NDC1: variants seen among roughly 807,000 people sequenced by gnomAD.
The protein encoded by NDC1 is NDC1 transmembrane nucleoporin.
A neutral mutation model predicts 89.8 loss-of-function variants in NDC1; 24 were observed. The ratio of observed to expected loss-of-function variants is 0.27; its 90% CI spans 0.19 to 0.38. The LOEUF is 0.38. Among genes scored for constraint, NDC1 ranks in the 10% least tolerant of loss-of-function variants. NDC1 has a pLI of 1.00. For missense variants in NDC1, 728 were observed against 797.6 expected, an observed-to-expected ratio of 0.91 and a Z score of 1.05; for synonymous variants, 296 against 284.8, an observed-to-expected ratio of 1.04 and a Z score of -0.39.
intron 3 of NDC1, among the ~76,000 whole-genome samples, chr1:53,831,261 G>C (rs1649057994): frequency 6.6e-6 from 1 of 151,806 alleles, no homozygotes; most frequent in African/African-American, 2.4e-5. Flanking sequence ...TAAATAAACA[G>C]AATATTCATA....
rs180846077 is a variant in NDC1 at position 53,789,062 on chromosome 1, C to G, written c.1699+71G>C. 2.1e-5 allele frequency: 22 copies of G among 1,031,584 alleles called. No individual in the cohort carries two copies. The African/African-American group carries it at 3.2e-4, about 15-fold the overall frequency. The allele number at this position is 1,031,584 out of a possible 1,614,324, so 63.9% of individuals were successfully genotyped here. A position where few individuals can be genotyped will look rare whatever the true frequency, so the allele number is the denominator to read the frequency against. On this transcript the variant is annotated intron_variant, in intron 15 of 17. Transcript: ENST00000371429. Reference sequence around the variant, plus strand: ...ACTGAAATCAAGGACCAGAACTGACCTTTCATGAATTATACTTCAATATTT... The same window carrying G: ...ACTGAAATCAAGGACCAGAACTGACGTTTCATGAATTATACTTCAATATTT...
chr1:53,774,692 C>G (rs1647147324), intron 16 of NDC1, among the ~76,000 whole-genome samples: 1 of 152,022 alleles, frequency 6.6e-6, no homozygotes, highest in Non-Finnish European at 1.5e-5. Context: ...AGTTCTAGAC[C>G]AGCCTGGGCA....
intron 6 of NDC1, among the ~76,000 whole-genome samples, chr1:53,814,232 G>A (rs917368100): frequency 1.3e-5 from 2 of 152,150 alleles, no homozygotes; most frequent in African/African-American, 4.8e-5. Flanking sequence ...GCGGGCACCT[G>A]TAGTTCCAGC....
At chr1:53,768,543 G>A (rs1480879952) in intron 17 of NDC1, among the ~76,000 whole-genome samples, 1 of 152,076 alleles carries the variant, frequency 6.6e-6, no homozygotes, top group Non-Finnish European at 1.5e-5. Context: ...TTTTGGATGT[G>A]AACACTGTGT....
chr1:53,772,544 C>A, intron 16 of NDC1, 55 bp from the exon 17 acceptor site: 1 of 1,559,326 alleles, frequency 6.4e-7, no homozygotes, highest in South Asian at 1.1e-5. Context: ...CCAACCTAGG[C>A]CAGGTGCTGT....
chr1:53,785,864 T>C (rs1196543651), intron 16 of NDC1, among the ~76,000 whole-genome samples: 1 of 152,134 alleles, frequency 6.6e-6, no homozygotes, highest in Non-Finnish European at 1.5e-5. Context: ...TCAATTCCAC[T>C]TCCTCCAGAA....
At chr1:53,819,460 C>G (rs995083714) in intron 5 of NDC1, among the ~76,000 whole-genome samples, 4 of 152,114 alleles carry the variant, frequency 2.6e-5, no homozygotes, top group Non-Finnish European at 5.9e-5. Context: ...TCATTTAAAC[C>G]TCATAAGAAC....
At chr1:53,811,083 G>A (rs994028950) in intron 6 of NDC1, among the ~76,000 whole-genome samples, 2 of 152,190 alleles carry the variant, frequency 1.3e-5, no homozygotes, top group African/African-American at 2.4e-5. Context: ...AGAGTCAAGC[G>A]AAATACAGGG....
chr1:53,815,056 A>C (rs1332206957), intron 6 of NDC1, among the ~76,000 whole-genome samples: 1 of 152,196 alleles, frequency 6.6e-6, no homozygotes, highest in Non-Finnish European at 1.5e-5. Context: ...AATCCTTTTG[A>C]CACTATTGCA....
At chr1:53,784,852 G>A (rs1647266776) in intron 16 of NDC1, among the ~76,000 whole-genome samples, 1 of 151,988 alleles carries the variant, frequency 6.6e-6, no homozygotes, top group Non-Finnish European at 1.5e-5. Flanking sequence ...CAGCTACTCG[G>A]GAGGCTGAGG....
intron 10 of NDC1, 103 bp downstream of exon 10, chr1:53,803,825 C>A (rs1648008859): frequency 2.4e-6 from 2 of 820,992 alleles, no homozygotes; most frequent in South Asian, 1.4e-5. Context: ...CCTGCCTCGG[C>A]CTCCCAAAGT....
intron 14 of NDC1, among the ~76,000 whole-genome samples, chr1:53,790,046 C>T (rs1181170): frequency 0.079 from 11,934 of 150,806 alleles, 1,427 homozygotes; most frequent in African/African-American, 0.26. Flanking sequence ...GAGATTGCAG[C>T]GAGCCAAGAT....
At chr1:53,784,230 C>CACACAG (rs1445670790) in intron 16 of NDC1, among the ~76,000 whole-genome samples, 1 of 148,232 alleles carries the variant, frequency 6.7e-6, no homozygotes, top group Non-Finnish European at 1.5e-5. Context: ...TATCTACACA[C>CACACAG]ACACACACAC....
intron 16 of NDC1, 146 bp downstream of exon 16, chr1:53,787,012 G>A: frequency 1.8e-6 from 1 of 556,632 alleles, no homozygotes; most frequent in African/African-American, 1.9e-5. Context: ...CTTTTAGATT[G>A]TAATTTCCTG....
intron 16 of NDC1, among the ~76,000 whole-genome samples, chr1:53,774,726 AAAAAATTT>A (rs1647147581): frequency 6.6e-6 from 1 of 152,066 alleles, no homozygotes; most frequent in Non-Finnish European, 1.5e-5. Context: ...CTGTCACTAC[AAAAAATTT>A]AAAAATTAGC....
intron 8 of NDC1, among the ~76,000 whole-genome samples, chr1:53,807,243 T>C (rs1648139254): frequency 2.1e-5 from 1 of 48,706 alleles, no homozygotes; most frequent in African/African-American, 9.3e-5. Context: ...CGAGACCCTA[T>C]CTCAAAAAAA....
chr1:53,782,412 G>C (rs192779743), intron 16 of NDC1, among the ~76,000 whole-genome samples: 401 of 152,308 alleles, frequency 2.6e-3, no homozygotes, highest in Non-Finnish European at 4.3e-3. Context: ...CAAGGACATG[G>C]GGACAAAGGA....
At chr1:53,792,384 C>T (rs754174272) in intron 14 of NDC1, among the ~76,000 whole-genome samples, 2 of 152,094 alleles carry the variant, frequency 1.3e-5, no homozygotes, top group African/African-American at 4.8e-5. Context: ...TTGGGTGGAT[C>T]GTCCCTTCCA....
At chr1:53,779,119 CAAA>C (rs11412563) in intron 16 of NDC1, among the ~76,000 whole-genome samples, 1 of 55,522 alleles carries the variant, frequency 1.8e-5, no homozygotes, top group Non-Finnish European at 3.5e-5. Flanking sequence ...GACTCTGTCG[CAAA>C]AAAAAAAAAA....
Sources: allele counts gnomAD v4.1 joint callset (sites outside exome capture counted in the v4.1 genomes callset), GRCh38; gene constraint gnomAD v4.1.1; transcripts MANE v1.5; gene names NCBI Gene and HGNC (gene_info 2026-07-23, HGNC 2026-07-21).